The following CD36 variants were observed in gnomAD, a reference collection of about 807,000 sequenced individuals.
CD36 encodes CD36 molecule (CD36 blood group), also known as platelet glycoprotein 4.
Under a neutral mutation model 55.2 loss-of-function variants are expected in CD36, and 119 were observed. The ratio of observed to expected loss-of-function variants is 2.15; its 90% CI spans 1.86 to 2.51. The LOEUF (loss-of-function observed/expected upper bound fraction) is 2.51. CD36 is among the 30% of genes most tolerant of loss of function. CD36 has a pLI of 0.00. For missense variants in CD36, 819 were observed against 555.5 expected (o/e 1.47, Z -4.77); for synonymous variants, 186 against 193.6 (o/e 0.96, Z 0.33).
chr7:80,604,577 A>G (rs1792438144), intron 1 of CD36, among the ~76,000 whole-genome samples: 1 of 151,554 alleles, frequency 6.6e-6, no homozygotes, highest in African/African-American at 2.4e-5. Flanking sequence ...CCTTTGTCAC[A>G]CAAACACTAT....
intron 4 of CD36, among the ~76,000 whole-genome samples, chr7:80,657,503 G>A (rs1188205846): frequency 1.3e-5 from 2 of 152,098 alleles, no homozygotes; most frequent in Non-Finnish European, 1.5e-5. Context: ...TAGAACTAGA[G>A]GAAATGATCA....
chr7:80,650,403 G>A (rs762850280), intron 3 of CD36, among the ~76,000 whole-genome samples: 26 of 151,876 alleles, frequency 1.7e-4, no homozygotes, highest in Non-Finnish European at 2.4e-4. Flanking sequence ...TGATATTGGC[G>A]TATGTATATC....
chr7:80,619,653 GAA>G (rs34516458), intron 1 of CD36, among the ~76,000 whole-genome samples: 1 of 125,960 alleles, frequency 7.9e-6, no homozygotes, highest in African/African-American at 3.0e-5. Context: ...TCTCAAAACA[GAA>G]AAAAAAAAAA....
chr7:80,623,159 A>T (rs933085337), intron 1 of CD36, among the ~76,000 whole-genome samples: 2 of 152,186 alleles, frequency 1.3e-5, no homozygotes, highest in Admixed American at 6.5e-5. Flanking sequence ...GAGATAAAAA[A>T]TAACTAAATT....
At chr7:80,614,848 A>G (rs113245533) in intron 1 of CD36, among the ~76,000 whole-genome samples, 16 of 152,284 alleles carry the variant, frequency 1.1e-4, no homozygotes, top group African/African-American at 2.9e-4. Context: ...ACGAATGCCA[A>G]TATAAAAGAA....
chr7:80,662,171 G>C (rs1562808462), intron 5 of CD36, among the ~76,000 whole-genome samples: 1 of 152,180 alleles, frequency 6.6e-6, no homozygotes, highest in Non-Finnish European at 1.5e-5. Flanking sequence ...AATTCTATGG[G>C]AAACAATCCT....
chr7:80,670,246 G>A (rs1797529971), intron 9 of CD36: 2 of 532,258 alleles, frequency 3.8e-6, no homozygotes, highest in East Asian at 6.7e-5. Context: ...TAAACTAGTA[G>A]TCTATTAACG....
In CD36 at chr7:80,678,484, C is replaced by T. The variant is rs973353003; in HGVS notation, c.*2101C>T. On this transcript the variant is annotated 3_prime_UTR_variant, in exon 15 of 15. Coordinates refer to ENST00000447544, the MANE Select transcript of CD36 (RefSeq NM_001001548.3). ...GAAGCTATGTAGCTTTCAGTTCTGA[C>T]AGAAAAGGGTGAAGGAGGGTATCAT... is the stretch of plus-strand genomic sequence containing the variant. 1 of 151,976 alleles carries T rather than the reference C, an allele frequency of 6.6e-6. No homozygotes were observed. The highest frequency in any genetic ancestry group is 2.4e-5 in the African/African-American group (1 of 41,374). The allele number at this position is 151,976 out of a possible 1,614,324, so 9.4% of individuals were successfully genotyped here. A position where few individuals can be genotyped will look rare whatever the true frequency, so the allele number is the denominator to read the frequency against.
Position 80,646,862 on chromosome 7 carries a change from T to C in CD36, c.120+2T>C, listed in dbSNP as rs1186219149. 3 of 1,613,828 alleles carry C rather than the reference T, an allele frequency of 1.9e-6. No individual in the cohort carries two copies. The highest frequency in any genetic ancestry group is 1.1e-5 in the South Asian group (1 of 91,074). ...CTTATCCAGAAGACAATTAAAAAGG[T>C]ACAAGTAGTCCAAAGAATATGCCTT... On this transcript the variant is annotated splice_donor_variant, in intron 3 of 14. Coordinates refer to ENST00000447544, the MANE Select transcript of CD36 (RefSeq NM_001001548.3). LOFTEE classifies it high-confidence loss of function.
chr7:80,665,030 C>CTT (rs1267922915), intron 7 of CD36, among the ~76,000 whole-genome samples: 1 of 151,950 alleles, frequency 6.6e-6, no homozygotes, highest in African/African-American at 2.4e-5. Flanking sequence ...TGCAAATAGT[C>CTT]TTTAATAATT....
At chr7:80,627,304 C>A (rs1405294681) in intron 1 of CD36, among the ~76,000 whole-genome samples, 1 of 152,136 alleles carries the variant, frequency 6.6e-6, no homozygotes, top group South Asian at 2.1e-4. Flanking sequence ...CTGTGGTTGA[C>A]GATATGTCTC....
rs1330732092 is a variant in CD36, at chr7:80,656,541, A to C, written c.122A>C (p.Gln41Pro). ...DLLIQKTIKK[Q>P]VVLEEGTIAF... The stretch of plus-strand genomic sequence containing the variant: ...CCAAACTTATTTTCTTTTTCATAGC[A>C]AGTTGTCCTCGAAGAAGGTACAATT... Residue 41 changes from glutamine (Q) to proline (P), a missense_variant and splice_region_variant, in exon 4 of 15, where the codon CAA becomes CCA. Physicochemically the swap from Gln to Pro is moderately conservative, Grantham distance 76. Coordinates refer to ENST00000447544, the MANE Select transcript of CD36 (RefSeq NM_001001548.3). The C allele has an allele frequency of 1.9e-6, 3 of 1,613,294 alleles. No homozygotes were observed. Among genetic ancestry groups the C allele is most frequent in the African/African-American group, 2.7e-5 (2 of 74,876 alleles).
chr7:80,645,035 T>C (rs1008541243), intron 1 of CD36, among the ~76,000 whole-genome samples: 10 of 151,740 alleles, frequency 6.6e-5, no homozygotes, highest in Non-Finnish European at 1.0e-4. Flanking sequence ...TTTTTTTTTT[T>C]TTGAGATGGA....
chr7:80,602,350 A>G (rs1792285309), exon 1 of CD36: 1 of 152,134 alleles, frequency 6.6e-6, no homozygotes, highest in Admixed American at 6.6e-5. Context: ...GAGGTCCTAC[A>G]TCTCCGAAAG....
intron 1 of CD36, among the ~76,000 whole-genome samples, chr7:80,611,022 C>A (rs1029906991): frequency 3.3e-5 from 5 of 150,378 alleles, no homozygotes; most frequent in Non-Finnish European, 7.4e-5. Context: ...ACTACAGGTA[C>A]ACACCACCAT....
At chr7:80,658,094 T>C (rs1796232772) in intron 4 of CD36, among the ~76,000 whole-genome samples, 1 of 152,204 alleles carries the variant, frequency 6.6e-6, no homozygotes, top group African/African-American at 2.4e-5. Flanking sequence ...TTTACCCGAA[T>C]CGGGTGTCTC....
chr7:80,666,269 T>C, intron 7 of CD36, 174 bp from the exon 8 acceptor site: 1 of 590,246 alleles, frequency 1.7e-6, no homozygotes. Context: ...TACATTGCAA[T>C]AAGATAAAAG....
At chr7:80,643,239 C>A (rs527805704) in intron 1 of CD36, among the ~76,000 whole-genome samples, 3 of 152,264 alleles carry the variant, frequency 2.0e-5, no homozygotes, top group Non-Finnish European at 4.4e-5. Context: ...AGATTCACAA[C>A]TAGGTTGTGG....
intron 3 of CD36, among the ~76,000 whole-genome samples, chr7:80,655,150 C>G (rs915908636): frequency 2.0e-5 from 3 of 152,146 alleles, no homozygotes; most frequent in Admixed American, 2.0e-4. Context: ...TCTTTAGGCT[C>G]ATTTTCCATG....
Sources: allele counts gnomAD v4.1 joint callset (sites outside exome capture counted in the v4.1 genomes callset), GRCh38; gene constraint gnomAD v4.1.1; transcripts MANE v1.5; gene names NCBI Gene and HGNC (gene_info 2026-07-23, HGNC 2026-07-21).